Variants in PLCB1 observed in about 807,000 individuals in gnomAD.
PLCB1 encodes phospholipase C beta 1.
In PLCB1, 46 loss-of-function variants were observed where a neutral mutation model predicts 161.8. That is an observed-to-expected ratio of 0.28 (90% CI 0.22 to 0.36). The LOEUF is 0.36. PLCB1 is among the 10% of genes least tolerant of loss of function. The pLI, the probability that PLCB1 is intolerant of heterozygous loss-of-function variation, is 1.00. For synonymous variants in PLCB1, 517 were observed against 503.7 expected, an observed-to-expected ratio of 1.03 and a Z score of -0.35; for missense variants, 1,016 against 1,472.5, an observed-to-expected ratio of 0.69 and a Z score of 5.07.
intron 3 of PLCB1, among the ~76,000 whole-genome samples, chr20:8,479,886 A>G (rs945263247): frequency 2.0e-5 from 3 of 152,224 alleles, no homozygotes; most frequent in Non-Finnish European, 2.9e-5. Context: ...ACACAAATCT[A>G]TATGCACAAA....
Position 8,740,453 on chromosome 20 carries a change from A to G in PLCB1, c.2413+5A>G. 6.7e-7 allele frequency: 1 copy of G among 1,489,352 alleles called. No individual in the cohort carries two copies. The highest frequency in any genetic ancestry group is 9.2e-7 in the Non-Finnish European group (1 of 1,088,822). 92.3% of individuals were successfully genotyped at this position (1,489,352 alleles called of 1,614,324 possible). ...ATGTGCCAGACACATATGCAGGTAA[A>G]CAACTTAACTCAAATACCACTTTAC... On this transcript the variant is annotated splice_donor_5th_base_variant and intron_variant, in intron 22 of 31. Transcript: ENST00000338037.
chr20:8,218,474 G>A (rs6118121), intron 2 of PLCB1, among the ~76,000 whole-genome samples: 11,613 of 152,034 alleles, frequency 0.076, 572 homozygotes, highest in Middle Eastern at 0.14. Flanking sequence ...AGCTTCCACC[G>A]CTTACCAGCT....
At chr20:8,556,971 TAATA>T (rs1001166855) in intron 3 of PLCB1, among the ~76,000 whole-genome samples, 8 of 134,370 alleles carry the variant, frequency 6.0e-5, no homozygotes, top group African/African-American at 1.7e-4. Flanking sequence ...CTATTATTGA[TAATA>T]AATAAATAAA....
chr20:8,629,401 G>C (rs764784570), intron 4 of PLCB1, among the ~76,000 whole-genome samples: 6 of 152,178 alleles, frequency 3.9e-5, no homozygotes, highest in Non-Finnish European at 8.8e-5. Flanking sequence ...GTATAATGTA[G>C]CAAACAAGAA....
chr20:8,224,312 A>G (rs1979564139), intron 2 of PLCB1, among the ~76,000 whole-genome samples: 2 of 152,146 alleles, frequency 1.3e-5, no homozygotes, highest in Admixed American at 1.3e-4. Context: ...TTAGAGGGTT[A>G]ACAGTTCAGC....
intron 3 of PLCB1, among the ~76,000 whole-genome samples, chr20:8,579,775 T>C (rs753398610): frequency 3.3e-5 from 5 of 152,112 alleles, no homozygotes; most frequent in Non-Finnish European, 5.9e-5. Flanking sequence ...TGGCCTTATA[T>C]TGGGTTCTCT....
chr20:8,662,677 G>A (rs562789249), intron 9 of PLCB1, among the ~76,000 whole-genome samples: 114 of 150,320 alleles, frequency 7.6e-4, no homozygotes, highest in African/African-American at 2.6e-3. Context: ...CACCTGAGCC[G>A]TTGTTAAAAT....
At chr20:8,311,370 A>G (rs879893803) in intron 2 of PLCB1, among the ~76,000 whole-genome samples, 6 of 152,258 alleles carry the variant, frequency 3.9e-5, no homozygotes, top group Non-Finnish European at 8.8e-5. Flanking sequence ...TGCTATTTCA[A>G]ATACTTATGT....
chr20:8,164,287 A>G (rs1299278075), intron 2 of PLCB1, among the ~76,000 whole-genome samples: 1 of 152,162 alleles, frequency 6.6e-6, no homozygotes, highest in Non-Finnish European at 1.5e-5. Flanking sequence ...CCTTGGTTGA[A>G]TGAATGGGAT....
At chr20:8,648,566 GA>G (rs1320223371) in intron 6 of PLCB1, among the ~76,000 whole-genome samples, 1 of 151,866 alleles carries the variant, frequency 6.6e-6, no homozygotes, top group Non-Finnish European at 1.5e-5. Context: ...AATTAGTAAC[GA>G]AAAAAAGTCC....
chr20:8,695,741 T>C (rs1990571248), intron 10 of PLCB1, among the ~76,000 whole-genome samples: 1 of 152,188 alleles, frequency 6.6e-6, no homozygotes, highest in South Asian at 2.1e-4. Context: ...GCTTATAGAA[T>C]ATAAATCAAA....
At position 8,788,856 on chromosome 20, in the gene PLCB1, T is replaced by C. The variant is rs1983617374; in HGVS notation, c.3278+134T>C. ...TCCTCTAGTCAGCCTTTCAAAAGATTCTTTTGGTAAGGTTTTTAACAGGGA... is the reference window on the plus strand; with the variant it reads ...TCCTCTAGTCAGCCTTTCAAAAGATCCTTTTGGTAAGGTTTTTAACAGGGA... On this transcript the variant is annotated intron_variant, in intron 29 of 31. Transcript: ENST00000338037. 4.8e-6 allele frequency: 3 copies of C among 631,086 alleles called. No individual in the cohort carries two copies. In the South Asian group the frequency reaches 6.4e-5, roughly 14 times the overall value. 39.1% of individuals were successfully genotyped at this position (631,086 alleles called of 1,614,324 possible).
At chr20:8,817,756 C>T (rs1429958524) in intron 31 of PLCB1, among the ~76,000 whole-genome samples, 1 of 151,820 alleles carries the variant, frequency 6.6e-6, no homozygotes, top group Admixed American at 6.6e-5. Flanking sequence ...TGAGAAAGAG[C>T]AAAAATAACA....
At chr20:8,384,576 T>C (rs1302640634) in intron 3 of PLCB1, among the ~76,000 whole-genome samples, 3 of 152,082 alleles carry the variant, frequency 2.0e-5, no homozygotes, top group South Asian at 2.1e-4. Context: ...TGGAGAGGCA[T>C]TGAGGTCCTT....
Position 8,681,086 on chromosome 20 carries a change from GTATATATATATA to G in PLCB1, c.863-3823_863-3812del, listed in dbSNP as rs202198416. ...TATATATGTGTGTATATGTGTGTGT[GTATATATATATA>G]TATATATATATATATATATATAATA... On this transcript the variant is annotated intron_variant, in intron 9 of 31. Transcript: ENST00000338037. Among the ~76,000 whole-genome samples, 86 of 73,846 alleles carry G rather than the reference GTATATATATATA, an allele frequency of 1.2e-3. 1 individual carries two copies. The highest frequency in any genetic ancestry group is 4.3e-3 in the African/African-American group (78 of 18,224). 48.4% of individuals were successfully genotyped at this position (73,846 alleles called of 152,430 possible). A position where few individuals can be genotyped will look rare whatever the true frequency, so the allele number is the denominator to read the frequency against.
At position 8,132,823 on chromosome 20, in the gene PLCB1, C is replaced by A; in HGVS notation, c.99+73C>A. ...CAGGGCGGGCGTCGTGGGGGTGGGGCAAGGGGCGCGTTATGCAATGGGCGC... is the reference window on the plus strand; with the variant it reads ...CAGGGCGGGCGTCGTGGGGGTGGGGAAAGGGGCGCGTTATGCAATGGGCGC... On this transcript the variant is annotated intron_variant, in intron 1 of 31. Transcript: ENST00000338037. This position sits in a 1 kb window ranked among gnomAD's most constrained non-coding sequence, Gnocchi z 5.2. 4 of 1,047,316 alleles carry A rather than the reference C, an allele frequency of 3.8e-6. No homozygotes were observed. The highest frequency in any genetic ancestry group is 5.8e-6 in the Non-Finnish European group (4 of 687,482). The allele number at this position is 1,047,316 out of a possible 1,614,324, so 64.9% of individuals were successfully genotyped here. A position where few individuals can be genotyped will look rare whatever the true frequency, so the allele number is the denominator to read the frequency against.
At chr20:8,135,971 T>C (rs2051342234) in intron 1 of PLCB1, among the ~76,000 whole-genome samples, 1 of 152,130 alleles carries the variant, frequency 6.6e-6, no homozygotes, top group Non-Finnish European at 1.5e-5. Context: ...GGCCTTGGTC[T>C]ATATTGGGCA....
chr20:8,470,010 TA>T (rs1981983931), intron 3 of PLCB1, among the ~76,000 whole-genome samples: 1 of 152,192 alleles, frequency 6.6e-6, no homozygotes, highest in Non-Finnish European at 1.5e-5. Flanking sequence ...AGACATTTCA[TA>T]GAAATGGAAT....
At chr20:8,332,444 T>G (rs986284022) in intron 2 of PLCB1, among the ~76,000 whole-genome samples, 5 of 152,238 alleles carry the variant, frequency 3.3e-5, no homozygotes, top group African/African-American at 1.2e-4. Flanking sequence ...ATGTATAGAT[T>G]AAGTATTAGT....
Sources: allele counts gnomAD v4.1 joint callset (sites outside exome capture counted in the v4.1 genomes callset), GRCh38; gene constraint gnomAD v4.1.1; non-coding constraint Gnocchi (gnomAD v3.1); transcripts MANE v1.5; gene names NCBI Gene and HGNC (gene_info 2026-07-23, HGNC 2026-07-21).